The following NFIL3 variants were observed in gnomAD, a reference collection of about 807,000 sequenced individuals.
The protein encoded by NFIL3 is nuclear factor, interleukin 3 regulated.
Under a neutral mutation model 10.0 loss-of-function variants are expected in NFIL3, and 5 were observed. The observed-to-expected ratio is 0.50, with a 90% CI of 0.26 to 1.06. NFIL3 has a LOEUF of 1.06. Ranked by LOEUF, NFIL3 falls within the 50% of genes least tolerant of loss-of-function variation. The pLI is 0.13. For missense variants in NFIL3, 436 were observed against 547.6 expected (o/e 0.80, Z 2.03); for synonymous variants, 202 against 206.5 (o/e 0.98, Z 0.19).
At chr9:91,436,470 C>T in the NFIL3 span, among the ~76,000 whole-genome samples, 1 of 151,928 alleles carries the variant, frequency 6.6e-6, no homozygotes, top group Non-Finnish European at 1.5e-5. Context: ...TTCAGCTACT[C>T]CGGAGGCTGA....
rs111603941 is a variant in NFIL3 at position 91,409,200 on chromosome 9, T to C, written c.*146A>G. The C allele has an allele frequency of 2.7e-5, 19 of 716,550 alleles. No individual in the cohort carries two copies. Among genetic ancestry groups the C allele is most frequent in the African/African-American group, 2.5e-4 (14 of 56,256 alleles). 44.4% of individuals were successfully genotyped at this position (716,550 alleles called of 1,614,324 possible). A position where few individuals can be genotyped will look rare whatever the true frequency, so the allele number is the denominator to read the frequency against. On this transcript the variant is annotated 3_prime_UTR_variant, in exon 2 of 2. Coordinates refer to ENST00000297689, the MANE Select transcript of NFIL3 (RefSeq NM_005384.3). ...ACAATCTAATCTTCATCATAATCTG[T>C]GCACAAAAAGACACCAAACAGACAA...
intron 1 of NFIL3, among the ~76,000 whole-genome samples, chr9:91,420,350 A>AAT (rs1171965662): frequency 8.8e-6 from 1 of 114,080 alleles, no homozygotes; most frequent in Non-Finnish European, 1.8e-5. Context: ...AATGAAGGTA[A>AAT]ATACACACAC....
At chr9:91,457,136 C>A in the NFIL3 span, among the ~76,000 whole-genome samples, 1 of 151,870 alleles carries the variant, frequency 6.6e-6, no homozygotes, top group African/African-American at 2.4e-5. Flanking sequence ...TACAATAATG[C>A]TTAAAATAAG....
the NFIL3 span, among the ~76,000 whole-genome samples, chr9:91,463,300 C>A: frequency 6.6e-6 from 1 of 151,672 alleles, no homozygotes; most frequent in Non-Finnish European, 1.5e-5. Flanking sequence ...TTAGATATTT[C>A]TTCTTTGCCA....
the NFIL3 span, among the ~76,000 whole-genome samples, chr9:91,452,087 G>C: frequency 6.6e-6 from 1 of 152,166 alleles, no homozygotes; most frequent in African/African-American, 2.4e-5. Flanking sequence ...GCTGTGATGG[G>C]AAGGGTTGTT....
chr9:91,473,956 G>A, the NFIL3 span, among the ~76,000 whole-genome samples: 1 of 152,074 alleles, frequency 6.6e-6, no homozygotes, highest in Non-Finnish European at 1.5e-5. Context: ...TTATCTTATT[G>A]CATTAGTGAG....
the NFIL3 span, among the ~76,000 whole-genome samples, chr9:91,480,867 A>G: frequency 6.6e-6 from 1 of 152,222 alleles, no homozygotes; most frequent in Non-Finnish European, 1.5e-5. Context: ...ATGCACCTTT[A>G]GAGGATCTGA....
chr9:91,425,238 A>G (rs957581885), upstream of NFIL3, among the ~76,000 whole-genome samples: 4 of 152,240 alleles, frequency 2.6e-5, no homozygotes, highest in Non-Finnish European at 4.4e-5. Context: ...AGAGAAGAGC[A>G]GAGTGAACAC....
the NFIL3 span, among the ~76,000 whole-genome samples, chr9:91,461,312 A>C: frequency 1.3e-5 from 2 of 152,224 alleles, no homozygotes; most frequent in Non-Finnish European, 2.9e-5. Context: ...TTTTTTAACT[A>C]AAAAATAAAT....
At chr9:91,472,549 C>T in the NFIL3 span, among the ~76,000 whole-genome samples, 2 of 152,290 alleles carry the variant, frequency 1.3e-5, no homozygotes, top group African/African-American at 4.8e-5. Flanking sequence ...TGGTTTTCAG[C>T]TCCATCAGGT....
At chr9:91,482,288 A>G in the NFIL3 span, among the ~76,000 whole-genome samples, 10 of 152,232 alleles carry the variant, frequency 6.6e-5, no homozygotes, top group African/African-American at 9.7e-5. Context: ...ATCCAGTTTT[A>G]TAAAACAGGA....
At position 91,409,484 on chromosome 9, in the gene NFIL3, T is replaced by G; in HGVS notation, c.1251A>C (p.Glu417Asp). The change falls in exon 2 of 2, where the codon GAA (glutamate) becomes GAC (aspartate). Residue 417 changes from glutamate to aspartate, a missense_variant. Glu to Asp is a conservative substitution (Grantham distance 45, BLOSUM62 2). Transcript: ENST00000297689. ...AAACTTTGTAGCCACTGTCTTTCAT[T>G]TCAACAACTCCAGTTTTGAAACTAT... ...TQNSFKTGVV[E>D]MKDSGYKVSD... is the part of the protein sequence containing the mutation. The G allele has an allele frequency of 6.2e-7, 1 of 1,614,182 alleles. No homozygotes were observed. The highest frequency in any genetic ancestry group is 8.5e-7 in the Non-Finnish European group (1 of 1,180,038).
At chr9:91,413,206 T>C (rs765111762) in intron 1 of NFIL3, among the ~76,000 whole-genome samples, 2 of 152,230 alleles carry the variant, frequency 1.3e-5, no homozygotes, top group Non-Finnish European at 2.9e-5. Flanking sequence ...TCAGCAGTGA[T>C]GTTGCAGAGA....
the NFIL3 span, among the ~76,000 whole-genome samples, chr9:91,437,709 T>A: frequency 2.0e-5 from 3 of 152,144 alleles, no homozygotes; most frequent in African/African-American, 4.8e-5. Context: ...TTATTCCCTA[T>A]CTCTGTATAT....
At chr9:91,460,569 G>T in the NFIL3 span, among the ~76,000 whole-genome samples, 15 of 152,064 alleles carry the variant, frequency 9.9e-5, no homozygotes, top group Non-Finnish European at 1.9e-4. Context: ...GAGCCACCAC[G>T]CCCAGCTTGG....
chr9:91,435,913 A>AT, the NFIL3 span, among the ~76,000 whole-genome samples: 3 of 152,050 alleles, frequency 2.0e-5, no homozygotes, highest in Admixed American at 2.0e-4. Context: ...TCTGGGAGCA[A>AT]TTTTTTACAG....
At chr9:91,425,517 T>C (rs1355470647), upstream of NFIL3, among the ~76,000 whole-genome samples, 1 of 152,218 alleles carries the variant, frequency 6.6e-6, no homozygotes, top group Non-Finnish European at 1.5e-5. Flanking sequence ...GCTTAGCGTG[T>C]TCCCCGACAC....
Position 91,409,324 on chromosome 9 carries a change from C to G in NFIL3, c.*22G>C. ...TTGCAAATGACATCTTTCTAAATGC[C>G]CAGCTCTTACTCAGTAGTAATTTAC... On this transcript the variant is annotated 3_prime_UTR_variant, in exon 2 of 2. Coordinates refer to ENST00000297689, the MANE Select transcript of NFIL3 (RefSeq NM_005384.3). 6 of 1,528,044 alleles carry G rather than the reference C, an allele frequency of 3.9e-6. No individual in the cohort carries two copies. The highest frequency in any genetic ancestry group is 4.4e-6 in the Non-Finnish European group (5 of 1,140,736). 94.7% of individuals were successfully genotyped at this position (1,528,044 alleles called of 1,614,324 possible).
the NFIL3 span, among the ~76,000 whole-genome samples, chr9:91,478,920 G>A: frequency 6.6e-6 from 1 of 152,158 alleles, no homozygotes. Context: ...CAGGTCTGCT[G>A]GAGTTTGCTG....
Sources: allele counts gnomAD v4.1 joint callset (sites outside exome capture counted in the v4.1 genomes callset), GRCh38; gene constraint gnomAD v4.1.1; transcripts MANE v1.5; gene names NCBI Gene and HGNC (gene_info 2026-07-23, HGNC 2026-07-21).